Variants in CNBD1 observed in about 807,000 individuals in gnomAD.
The protein encoded by CNBD1 is cyclic nucleotide-binding domain-containing protein 1.
CNBD1 carries 71 observed loss-of-function variants against 54.4 expected under a neutral mutation model. The ratio of observed to expected loss-of-function variants is 1.30; its 90% CI spans 1.08 to 1.59. The LOEUF (loss-of-function observed/expected upper bound fraction) is 1.59, where lower values mean the gene tolerates loss of function less well. Among genes scored for constraint, CNBD1 ranks in the 40% most tolerant of loss-of-function variants. The probability of loss-of-function intolerance (pLI) is 0.00; values close to 1 mark genes in which losing one functional copy is unlikely to be tolerated. For synonymous variants in CNBD1, 182 were observed against 170.7 expected (o/e 1.07, Z -0.51); for missense variants, 659 against 518.0 (o/e 1.27, Z -2.64).
chr8:87,282,748 G>T (rs1365631458), intron 6 of CNBD1, among the ~76,000 whole-genome samples: 1 of 151,736 alleles, frequency 6.6e-6, no homozygotes, highest in African/African-American at 2.4e-5. Context: ...TTTCATAATG[G>T]CTTATTAGGT....
intron 2 of CNBD1, among the ~76,000 whole-genome samples, chr8:87,402,829 T>A (rs891337488): frequency 3.9e-5 from 6 of 152,034 alleles, no homozygotes; most frequent in Admixed American, 3.3e-4. Flanking sequence ...GAAAATAGAA[T>A]GGAAGCAAAG....
chr8:87,275,617 T>C lies in CNBD1; in HGVS notation c.772-9061T>C, dbSNP rs989606667. ...TGTGACAAACCCACAGCCAATATCA[T>C]ACTGAATGGGCAAAAACTGGAAGCA... On this transcript the variant is annotated intron_variant, in intron 6 of 10. Coordinates refer to ENST00000518476, the MANE Select transcript of CNBD1 (RefSeq NM_173538.3). Among the ~76,000 whole-genome samples, 23 of 151,712 alleles carry C rather than the reference T, an allele frequency of 1.5e-4. No homozygotes were observed. In the South Asian group the frequency reaches 4.2e-3, roughly 28 times the overall value.
intron 4 of CNBD1, among the ~76,000 whole-genome samples, chr8:87,046,924 T>C (rs1301461176): frequency 6.6e-6 from 1 of 152,146 alleles, no homozygotes; most frequent in East Asian, 1.9e-4. Flanking sequence ...AGGTGGCATA[T>C]TTGGAAAGGA....
intron 4 of CNBD1, among the ~76,000 whole-genome samples, chr8:86,942,118 T>C (rs1807332294): frequency 6.6e-6 from 1 of 152,178 alleles, no homozygotes; most frequent in Admixed American, 6.5e-5. Flanking sequence ...AAGCTCTCTA[T>C]AAAAAATTTG....
chr8:86,964,492 C>G (rs1563839728), intron 4 of CNBD1, among the ~76,000 whole-genome samples: 1 of 152,234 alleles, frequency 6.6e-6, no homozygotes, highest in Non-Finnish European at 1.5e-5. Flanking sequence ...ACATGACATC[C>G]TTCCATGAGA....
At chr8:87,262,856 C>A (rs1808170962) in intron 6 of CNBD1, among the ~76,000 whole-genome samples, 2 of 152,094 alleles carry the variant, frequency 1.3e-5, no homozygotes, top group African/African-American at 4.8e-5. Flanking sequence ...TTAACATCTA[C>A]TATGTGTTCA....
intron 4 of CNBD1, among the ~76,000 whole-genome samples, chr8:87,016,901 T>G (rs554406649): frequency 6.6e-6 from 1 of 152,224 alleles, no homozygotes; most frequent in Non-Finnish European, 1.5e-5. Context: ...ATGTTTCATA[T>G]GCAAGACATG....
chr8:87,184,087 G>GA (rs1161641535), intron 4 of CNBD1, among the ~76,000 whole-genome samples: 1 of 152,210 alleles, frequency 6.6e-6, no homozygotes, highest in African/African-American at 2.4e-5. Context: ...TGGGGTGACA[G>GA]AAGGGGCTGC....
At chr8:86,941,639 T>C (rs1366452908) in intron 4 of CNBD1, among the ~76,000 whole-genome samples, 1 of 152,144 alleles carries the variant, frequency 6.6e-6, no homozygotes, top group Non-Finnish European at 1.5e-5. Flanking sequence ...AATGTCAAAA[T>C]ACCAGGAGGT....
chr8:87,218,349 G>A (rs543187980), intron 5 of CNBD1, among the ~76,000 whole-genome samples: 1 of 152,152 alleles, frequency 6.6e-6, no homozygotes, highest in African/African-American at 2.4e-5. Flanking sequence ...AATATTTATT[G>A]CTAGATGATA....
At chr8:87,317,813 C>T (rs1490895041) in intron 8 of CNBD1, among the ~76,000 whole-genome samples, 1 of 151,954 alleles carries the variant, frequency 6.6e-6, no homozygotes, top group African/African-American at 2.4e-5. Flanking sequence ...TCTGAGTACA[C>T]TCTAAATACA....
chr8:87,334,831 C>G (rs1252851047), intron 8 of CNBD1, among the ~76,000 whole-genome samples: 3 of 151,118 alleles, frequency 2.0e-5, no homozygotes, highest in African/African-American at 7.3e-5. Context: ...TCAAGTGATT[C>G]TCCTGCCTCA....
chr8:86,974,037 C>A lies in CNBD1; in HGVS notation c.431+34283C>A, dbSNP rs192157995. Among the ~76,000 whole-genome samples the A allele has an allele frequency of 3.5e-3, 529 of 151,726 alleles. 1 individual carries two copies. Among genetic ancestry groups the A allele is most frequent in the African/African-American group, 0.012 (511 of 41,376 alleles). ...GATTTTTTTTACAATGGAAAATATA[C>A]CCCAAACGGTTACTAAGAGGATGGG... On this transcript the variant is annotated intron_variant, in intron 4 of 10. Coordinates refer to ENST00000518476, the MANE Select transcript of CNBD1 (RefSeq NM_173538.3).
At chr8:87,340,097 C>G (rs182667377) in intron 8 of CNBD1, among the ~76,000 whole-genome samples, 12 of 152,244 alleles carry the variant, frequency 7.9e-5, no homozygotes, top group African/African-American at 2.9e-4. Flanking sequence ...CCTCGCTTAG[C>G]TTTGTCTGGA....
At chr8:86,958,933 G>T (rs1807853559) in intron 4 of CNBD1, among the ~76,000 whole-genome samples, 1 of 152,098 alleles carries the variant, frequency 6.6e-6, no homozygotes, top group South Asian at 2.1e-4. Context: ...GATGCAGTTT[G>T]TTCCTAGTGT....
At position 87,165,477 on chromosome 8, in the gene CNBD1, G is replaced by T. The variant is rs557516360; in HGVS notation, c.432-40516G>T. Among the ~76,000 whole-genome samples, 7 of 152,036 alleles carry T rather than the reference G, an allele frequency of 4.6e-5. 1 individual carries two copies. In the South Asian group the frequency reaches 1.4e-3, roughly 31 times the overall value. ...TATTTACAATTATGTCCTCTCAATGGATCGACACTTTTGTTATTATAAAAT... is the reference window on the plus strand; with the variant it reads ...TATTTACAATTATGTCCTCTCAATGTATCGACACTTTTGTTATTATAAAAT... On this transcript the variant is annotated intron_variant, in intron 4 of 10. Coordinates refer to ENST00000518476, the MANE Select transcript of CNBD1 (RefSeq NM_173538.3).
chr8:87,428,182 C>T (rs1356894286), intron 2 of CNBD1, among the ~76,000 whole-genome samples: 1 of 149,474 alleles, frequency 6.7e-6, no homozygotes, highest in Non-Finnish European at 1.5e-5. Context: ...AAAACAAAAA[C>T]AAAAAACCCA....
At chr8:87,241,139 C>T (rs1235496672) in intron 6 of CNBD1, among the ~76,000 whole-genome samples, 3 of 152,066 alleles carry the variant, frequency 2.0e-5, no homozygotes, top group Non-Finnish European at 1.5e-5. Context: ...ACTTCCTGAT[C>T]TCATTTCTCA....
intron 10 of CNBD1, among the ~76,000 whole-genome samples, chr8:87,365,996 G>A (rs1810634075): frequency 6.6e-6 from 1 of 151,888 alleles, no homozygotes; most frequent in Non-Finnish European, 1.5e-5. Context: ...ATTTTTAGTT[G>A]CCAAATATTC....
Sources: gnomAD v4.1 joint callset for allele counts (sites outside exome capture counted in the v4.1 genomes callset) on GRCh38, gnomAD v4.1.1 for gene constraint, MANE v1.5 for transcripts, NCBI Gene and HGNC (gene_info 2026-07-23, HGNC 2026-07-21) for gene names.